The following HERPUD1 variants were observed in gnomAD, a reference collection of about 807,000 sequenced individuals.
HERPUD1 encodes the protein homocysteine inducible ER protein with ubiquitin like domain 1.
HERPUD1 carries 17 observed loss-of-function variants against 45.0 expected under a neutral mutation model. That is an observed-to-expected ratio of 0.38 (90% confidence interval 0.26 to 0.57). HERPUD1 has a LOEUF of 0.57. Ranked by LOEUF, HERPUD1 falls within the 20% of genes least tolerant of loss-of-function variation. HERPUD1 has a pLI of 0.72. For missense variants in HERPUD1, 420 were observed against 490.5 expected, an observed-to-expected ratio of 0.86 and a Z score of 1.36; for synonymous variants, 164 against 177.5, an observed-to-expected ratio of 0.92 and a Z score of 0.61.
At chr16:56,933,540 G>A (rs1398404433) in intron 1 of HERPUD1, among the ~76,000 whole-genome samples, 1 of 152,162 alleles carries the variant, frequency 6.6e-6, no homozygotes, top group Non-Finnish European at 1.5e-5. Context: ...GGATTTTGGC[G>A]GAGGATTTTT....
intron 1 of HERPUD1, among the ~76,000 whole-genome samples, chr16:56,934,030 G>T (rs2055846386): frequency 6.6e-6 from 1 of 152,232 alleles, no homozygotes; most frequent in African/African-American, 2.4e-5. Context: ...AAGTTCTGAT[G>T]TATATGGATA....
chr16:56,936,504 T>C, intron 3 of HERPUD1, 183 bp from the exon 4 acceptor site: 2 of 402,980 alleles, frequency 5.0e-6, no homozygotes, highest in Non-Finnish European at 8.6e-6. Flanking sequence ...CATCTATGTA[T>C]TGAAAATTAT....
chr16:56,932,472 C>T, intron 1 of HERPUD1, 81 bp downstream of exon 1: 1 of 1,260,166 alleles, frequency 7.9e-7, no homozygotes, highest in Non-Finnish European at 1.1e-6. Flanking sequence ...CTGCCCTGTC[C>T]TGTGGCCTCC....
At chr16:56,939,838 A>C (rs1216189168) in intron 5 of HERPUD1, 57 bp from the exon 6 acceptor site, 4 of 1,358,610 alleles carry the variant, frequency 2.9e-6, no homozygotes, top group Non-Finnish European at 4.1e-6. Context: ...TAAATAAGCC[A>C]CAGACTTCAC....
At chr16:56,937,184 T>C (rs2055873502) in intron 4 of HERPUD1, 1 of 160,170 alleles carries the variant, frequency 6.2e-6, no homozygotes. Flanking sequence ...CTTTGTGCTT[T>C]ATTGTAACAA....
At position 56,932,308 on chromosome 16, in the gene HERPUD1, C is replaced by A; in HGVS notation, c.64C>A (p.Arg22Ser). The A allele has an allele frequency of 6.2e-7, 1 of 1,608,298 alleles. No individual in the cohort carries two copies. Among genetic ancestry groups the A allele is most frequent in the South Asian group, 1.1e-5 (1 of 90,818 alleles). Residue 22 changes from arginine (R) to serine (S), a missense_variant, in exon 1 of 8, where the codon CGC becomes AGC. Arg to Ser is a moderately radical substitution (Grantham distance 110, BLOSUM62 -1). Transcript: ENST00000439977. ...LLVKSPNQRHRDLELSGDRGW... is the reference protein window; with the variant it reads ...LLVKSPNQRHSDLELSGDRGW... The stretch of plus-strand genomic sequence containing the variant: ...GGTGAAGAGCCCCAACCAGCGCCAC[C>A]GCGACTTGGAGCTGAGTGGCGACCG...
chr16:56,943,392 A>G lies in HERPUD1; in HGVS notation c.*102A>G, dbSNP rs1179739509. Reference sequence around the variant, plus strand: ...CTGGACATGGCAATGATGAGTTTTTAAAAAACAGTGTGGATGATGATATGC... The same window carrying G: ...CTGGACATGGCAATGATGAGTTTTTGAAAAACAGTGTGGATGATGATATGC... On this transcript the variant is annotated 3_prime_UTR_variant, in exon 8 of 8. Coordinates refer to ENST00000439977, the MANE Select transcript of HERPUD1 (RefSeq NM_014685.4). 1 of 1,311,002 alleles carries G rather than the reference A, an allele frequency of 7.6e-7. No individual in the cohort carries two copies. The highest frequency in any genetic ancestry group is 1.1e-6 in the Non-Finnish European group (1 of 906,758). The allele number at this position is 1,311,002 out of a possible 1,614,324, so 81.2% of individuals were successfully genotyped here.
In HERPUD1 at chr16:56,940,008, A is replaced by C. The variant is rs1286108234; in HGVS notation, c.668A>C (p.Asn223Thr). ...ATTCACAACCAGTTTCCAGCTGAAA[A>C]CCAGCCTGCCAATCAGAATGCTGCT... ...APIHNQFPAE[N>T]QPANQNAAPQ... Residue 223 changes from asparagine to threonine, a missense_variant, in exon 6 of 8, where the codon AAC (asparagine) becomes ACC (threonine). By Grantham distance (65) the Asn-to-Thr change is moderately conservative. Coordinates refer to ENST00000439977, the MANE Select transcript of HERPUD1 (RefSeq NM_014685.4). 2.5e-6 allele frequency: 4 copies of C among 1,614,146 alleles called. No individual in the cohort carries two copies. Among genetic ancestry groups the C allele is most frequent in the East Asian group, 2.2e-5 (1 of 44,882 alleles).
chr16:56,943,373 A>G lies in HERPUD1; in HGVS notation c.*83A>G, dbSNP rs753265315. The stretch of plus-strand genomic sequence containing the variant: ...TCCAGCTAGATTGCCTCTCCTGGAC[A>G]TGGCAATGATGAGTTTTTAAAAAAC... On this transcript the variant is annotated 3_prime_UTR_variant, in exon 8 of 8. Transcript: ENST00000439977. 1.4e-6 allele frequency: 2 copies of G among 1,443,918 alleles called. No individual in the cohort carries two copies. Among genetic ancestry groups the G allele is most frequent in the Non-Finnish European group, 1.9e-6 (2 of 1,025,760 alleles). 89.4% of individuals were successfully genotyped at this position (1,443,918 alleles called of 1,614,324 possible). A position where few individuals can be genotyped will look rare whatever the true frequency, so the allele number is the denominator to read the frequency against.
chr16:56,944,046 T>C lies in HERPUD1; in HGVS notation c.*756T>C, dbSNP rs1020069486. On this transcript the variant is annotated 3_prime_UTR_variant, in exon 8 of 8. Coordinates refer to ENST00000439977, the MANE Select transcript of HERPUD1 (RefSeq NM_014685.4). Reference sequence around the variant, plus strand: ...CCATGAAAGTTTTTGTTGGCGTTTTTGTTTTTGAGATGGGGTCTTGCTTTG... The same window carrying C: ...CCATGAAAGTTTTTGTTGGCGTTTTCGTTTTTGAGATGGGGTCTTGCTTTG... 6.3e-6 allele frequency: 1 copy of C among 158,670 alleles called. No homozygotes were observed. The highest frequency in any genetic ancestry group is 1.4e-5 in the Non-Finnish European group (1 of 71,916). 9.8% of individuals were successfully genotyped at this position (158,670 alleles called of 1,614,324 possible).
intron 3 of HERPUD1, 80 bp downstream of exon 3, chr16:56,935,555 G>A (rs2055860555): frequency 1.5e-5 from 18 of 1,186,782 alleles, no homozygotes; most frequent in South Asian, 9.8e-5. Flanking sequence ...TGGATAAAAC[G>A]TTTATTGAGA....
intron 7 of HERPUD1, among the ~76,000 whole-genome samples, chr16:56,942,498 C>T (rs1384630111): frequency 6.6e-6 from 1 of 152,160 alleles, no homozygotes; most frequent in African/African-American, 2.4e-5. Flanking sequence ...TTTGAGCGTT[C>T]AGTGGTCTGT....
At chr16:56,937,039 TG>T (rs2055872408) in intron 4 of HERPUD1, 1 of 348,340 alleles carries the variant, frequency 2.9e-6, no homozygotes, top group Non-Finnish European at 5.2e-6. Context: ...ATGCATATAT[TG>T]AAAAAAAAAA....
chr16:56,933,333 G>A (rs1157340550), intron 1 of HERPUD1: 12 of 456,022 alleles, frequency 2.6e-5, no homozygotes, highest in African/African-American at 2.4e-4. Context: ...TTCCTTCTGA[G>A]TTGTTATTTT....
intron 4 of HERPUD1, chr16:56,937,252 C>T (rs1422154665): frequency 2.0e-5 from 3 of 152,356 alleles, no homozygotes; most frequent in African/African-American, 7.2e-5. Flanking sequence ...CTTGGGGGTA[C>T]TAGGAAAATT....
At chr16:56,936,604 T>A in intron 3 of HERPUD1, 83 bp from the exon 4 acceptor site, 1 of 1,370,138 alleles carries the variant, frequency 7.3e-7, no homozygotes, top group South Asian at 1.9e-5. Flanking sequence ...ATGTAAGCCC[T>A]TGACAGCAAA....
chr16:56,943,377 C>A lies in HERPUD1; in HGVS notation c.*87C>A, dbSNP rs1402088317. On this transcript the variant is annotated 3_prime_UTR_variant, in exon 8 of 8. Transcript: ENST00000439977. ...GCTAGATTGCCTCTCCTGGACATGG[C>A]AATGATGAGTTTTTAAAAAACAGTG... 1.4e-6 allele frequency: 2 copies of A among 1,433,312 alleles called. No individual in the cohort carries two copies. Among genetic ancestry groups the A allele is most frequent in the Admixed American group, 3.3e-5 (2 of 59,768 alleles). 88.8% of individuals were successfully genotyped at this position (1,433,312 alleles called of 1,614,324 possible). A position where few individuals can be genotyped will look rare whatever the true frequency, so the allele number is the denominator to read the frequency against.
At position 56,943,415 on chromosome 16, in the gene HERPUD1, T is replaced by C. The variant is rs2055927180; in HGVS notation, c.*125T>C. On this transcript the variant is annotated 3_prime_UTR_variant, in exon 8 of 8. Coordinates refer to ENST00000439977, the MANE Select transcript of HERPUD1 (RefSeq NM_014685.4). Reference sequence around the variant, plus strand: ...TTAAAAAACAGTGTGGATGATGATATGCTTTTGTGAGCAAGCAAAAGCAGA... The same window carrying C: ...TTAAAAAACAGTGTGGATGATGATACGCTTTTGTGAGCAAGCAAAAGCAGA... 3 of 1,139,472 alleles carry C rather than the reference T, an allele frequency of 2.6e-6. No individual in the cohort carries two copies. In the East Asian group the frequency reaches 7.1e-5, roughly 27 times the overall value. The allele number at this position is 1,139,472 out of a possible 1,614,324, so 70.6% of individuals were successfully genotyped here.
At chr16:56,940,335 A>G (rs2055900357) in intron 6 of HERPUD1, 90 bp downstream of exon 6, 1 of 906,862 alleles carries the variant, frequency 1.1e-6, no homozygotes, top group Non-Finnish European at 1.7e-6. Context: ...TTTTTTTGAG[A>G]TGGAGTCTCG....
Sources: allele counts gnomAD v4.1 joint callset (sites outside exome capture counted in the v4.1 genomes callset), GRCh38; gene constraint gnomAD v4.1.1; transcripts MANE v1.5; gene names NCBI Gene and HGNC (gene_info 2026-07-23, HGNC 2026-07-21).